The following PRUNE2 variants were observed in gnomAD, a reference collection of about 807,000 sequenced individuals.
The protein encoded by PRUNE2 is protein prune homolog 2.
In PRUNE2, 164 loss-of-function variants were observed where a neutral mutation model predicts 252.0. That is an observed-to-expected ratio of 0.65 (90% CI 0.57 to 0.74). The LOEUF is 0.74. Ranked by LOEUF, PRUNE2 falls within the 30% of genes least tolerant of loss-of-function variation. The probability of loss-of-function intolerance (pLI) is 0.00; values close to 1 mark genes in which losing one functional copy is unlikely to be tolerated. For synonymous variants in PRUNE2, 1,292 were observed against 1,350.2 expected (o/e 0.96, Z 0.94); for missense variants, 3,495 against 3,711.0 (o/e 0.94, Z 1.51).
chr9:76,859,399 G>T (rs752404506), intron 1 of PRUNE2, among the ~76,000 whole-genome samples: 4 of 152,104 alleles, frequency 2.6e-5, no homozygotes, highest in Non-Finnish European at 4.4e-5. Context: ...CCACCCAGAA[G>T]AATTGACCAG....
intron 6 of PRUNE2, among the ~76,000 whole-genome samples, chr9:76,735,673 A>C (rs539063273): frequency 2.6e-5 from 4 of 152,222 alleles, no homozygotes; most frequent in Non-Finnish European, 5.9e-5. Flanking sequence ...ATCAAAACTT[A>C]AAAGTGTAAC....
intron 1 of PRUNE2, chr9:76,856,999 C>G (rs1192173503): frequency 2.2e-6 from 1 of 450,676 alleles, no homozygotes; most frequent in Non-Finnish European, 4.5e-6. Context: ...GGTAATCCAC[C>G]CGCCTTTGCC....
intron 7 of PRUNE2, among the ~76,000 whole-genome samples, chr9:76,713,020 T>G (rs949981242): frequency 2.0e-5 from 3 of 152,190 alleles, no homozygotes; most frequent in African/African-American, 7.2e-5. Flanking sequence ...ATATTAGTTA[T>G]TAAGTACACC....
chr9:76,708,840 G>A lies in PRUNE2; in HGVS notation c.3434C>T (p.Ala1145Val), dbSNP rs546948015. 26 of 1,613,800 alleles carry A rather than the reference G, an allele frequency of 1.6e-5. No homozygotes were observed. Among genetic ancestry groups the A allele is most frequent in the East Asian group, 4.5e-5 (2 of 44,856 alleles). Reference sequence around the variant, plus strand: ...TGTTTGACCATCACTGGGGATTGCCGCACCCCCACTGCAGTCATCCCAGTC... The same window carrying A: ...TGTTTGACCATCACTGGGGATTGCCACACCCCCACTGCAGTCATCCCAGTC... ...DLDWDDCSGG[A>V]AIPSDGQTEG... The change falls in exon 8 of 19, where the codon GCG (alanine) becomes GTG (valine). Residue 1145 changes from alanine to valine, a missense_variant. Coordinates refer to ENST00000376718, the MANE Select transcript of PRUNE2 (RefSeq NM_015225.3).
intron 1 of PRUNE2, chr9:76,857,265 C>T (rs995761843): frequency 3.0e-5 from 12 of 394,894 alleles, no homozygotes; most frequent in East Asian, 7.2e-5. Flanking sequence ...CTCTCAAGGA[C>T]CCACTGCTCC....
Position 76,705,121 on chromosome 9 carries a change from G to T in PRUNE2, c.7153C>A (p.Leu2385Met). The T allele has an allele frequency of 6.2e-7, 1 of 1,614,014 alleles. No homozygotes were observed. The highest frequency in any genetic ancestry group is 8.5e-7 in the Non-Finnish European group (1 of 1,179,890). The change falls in exon 8 of 19, where the codon CTG becomes ATG. Residue 2385 changes from leucine (L) to methionine (M), a missense_variant. Coordinates refer to ENST00000376718, the MANE Select transcript of PRUNE2 (RefSeq NM_015225.3). ...GTGTACGGTGCCAGCGACTGCTTCA[G>T]AGAATCTTCCTCCAAAGGAGGGTCA... is the stretch of plus-strand genomic sequence containing the variant. ...GGDPPLEEDS[L>M]KQSLAPYTPP...
chr9:76,630,267 T>G (rs889514080), intron 15 of PRUNE2, among the ~76,000 whole-genome samples: 2 of 151,962 alleles, frequency 1.3e-5, no homozygotes, highest in African/African-American at 4.8e-5. Flanking sequence ...TTTTTGTTTT[T>G]TTTTTTTTAA....
chr9:76,805,635 T>C (rs2056882724), intron 6 of PRUNE2, among the ~76,000 whole-genome samples: 1 of 152,156 alleles, frequency 6.6e-6, no homozygotes, highest in Non-Finnish European at 1.5e-5. Context: ...TCTGGTGTGC[T>C]ATTGTACAGC....
At chr9:76,728,829 G>A (rs896124694) in intron 6 of PRUNE2, among the ~76,000 whole-genome samples, 1 of 152,154 alleles carries the variant, frequency 6.6e-6, no homozygotes, top group African/African-American at 2.4e-5. Context: ...TGGAAAATGA[G>A]TATAATAACC....
chr9:76,679,744 A>T (rs1442428770), intron 9 of PRUNE2, among the ~76,000 whole-genome samples: 1 of 152,248 alleles, frequency 6.6e-6, no homozygotes, highest in Non-Finnish European at 1.5e-5. Context: ...GATCTTTGAT[A>T]AGGTTGCTGA....
chr9:76,705,372 T>C lies in PRUNE2; in HGVS notation c.6902A>G (p.His2301Arg), dbSNP rs768181516. 2 of 1,613,964 alleles carry C rather than the reference T, an allele frequency of 1.2e-6. No homozygotes were observed. The highest frequency in any genetic ancestry group is 1.7e-5 in the Admixed American group (1 of 60,012). ...GAGACCTGAGGCATCGCTGAAACTG[T>C]GGTCAAAGGCAGCTTCGCTTATATC... Reference protein sequence around the residue: ...CLDISEAAFDHSFSDASGLNT... With the variant: ...CLDISEAAFDRSFSDASGLNT... Residue 2301 changes from histidine (H) to arginine (R), a missense_variant, in exon 8 of 19, where the codon CAC becomes CGC. Physicochemically the swap from His to Arg is conservative, Grantham distance 29 (BLOSUM62 0). Coordinates refer to ENST00000376718, the MANE Select transcript of PRUNE2 (RefSeq NM_015225.3).
intron 15 of PRUNE2, among the ~76,000 whole-genome samples, chr9:76,636,011 C>T (rs1272576577): frequency 6.6e-6 from 1 of 152,178 alleles, no homozygotes; most frequent in Admixed American, 6.5e-5. Flanking sequence ...CTCTATATAA[C>T]TTTGGTAGTT....
chr9:76,874,740 T>G (rs2061390210), intron 1 of PRUNE2, among the ~76,000 whole-genome samples: 1 of 152,048 alleles, frequency 6.6e-6, no homozygotes, highest in South Asian at 2.1e-4. Flanking sequence ...AAGCATCGCC[T>G]CAGAACCAGA....
intron 3 of PRUNE2, 133 bp downstream of exon 3, chr9:76,850,330 A>G (rs1351487836): frequency 2.8e-6 from 2 of 709,242 alleles, no homozygotes; most frequent in Non-Finnish European, 4.8e-6. Flanking sequence ...TATAGGCGTG[A>G]GCCACCATGA....
At chr9:76,800,776 G>A (rs1185092071) in intron 6 of PRUNE2, among the ~76,000 whole-genome samples, 1 of 152,168 alleles carries the variant, frequency 6.6e-6, no homozygotes, top group Non-Finnish European at 1.5e-5. Flanking sequence ...ATCTATTGAA[G>A]ATTACACATA....
chr9:76,714,727 C>A (rs2047004181), intron 6 of PRUNE2, among the ~76,000 whole-genome samples: 1 of 152,170 alleles, frequency 6.6e-6, no homozygotes, highest in South Asian at 2.1e-4. Context: ...ACAATGAGAG[C>A]CACTTTCTCT....
chr9:76,634,921 T>C (rs1027370701), intron 15 of PRUNE2, among the ~76,000 whole-genome samples: 2 of 152,176 alleles, frequency 1.3e-5, no homozygotes, highest in South Asian at 4.1e-4. Flanking sequence ...TTACAACATT[T>C]CCTGAAAATA....
intron 6 of PRUNE2, among the ~76,000 whole-genome samples, chr9:76,791,699 G>A (rs1482630646): frequency 5.9e-5 from 9 of 152,148 alleles, no homozygotes; most frequent in Admixed American, 3.9e-4. Flanking sequence ...GGAAGACCAC[G>A]GGGCATCCAC....
rs1188273631 is a variant in PRUNE2 at position 76,613,771 on chromosome 9, T to A, written c.*799A>T. The A allele has an allele frequency of 6.6e-6, 1 of 152,182 alleles. No individual in the cohort carries two copies. The highest frequency in any genetic ancestry group is 2.4e-5 in the African/African-American group (1 of 41,436). 9.4% of individuals were successfully genotyped at this position (152,182 alleles called of 1,614,324 possible). A position where few individuals can be genotyped will look rare whatever the true frequency, so the allele number is the denominator to read the frequency against. ...TGAATGCTACCAAATGATTTTTGAG[T>A]AGGCCACCTTGCACTTGAGTTCTTG... On this transcript the variant is annotated 3_prime_UTR_variant, in exon 19 of 19. Coordinates refer to ENST00000376718, the MANE Select transcript of PRUNE2 (RefSeq NM_015225.3).
Sources: gnomAD v4.1 joint callset for allele counts (sites outside exome capture counted in the v4.1 genomes callset) on GRCh38, gnomAD v4.1.1 for gene constraint, MANE v1.5 for transcripts, NCBI Gene and HGNC (gene_info 2026-07-23, HGNC 2026-07-21) for gene names.